ZC3H14: variants seen among roughly 807,000 people sequenced by gnomAD.
The protein encoded by ZC3H14 is zinc finger CCCH domain-containing protein 14.
Under a neutral mutation model 92.4 loss-of-function variants are expected in ZC3H14, and 31 were observed. The ratio of observed to expected loss-of-function variants is 0.34; its 90% CI spans 0.25 to 0.45. The LOEUF is 0.45. Ranked by LOEUF, ZC3H14 falls within the 20% of genes least tolerant of loss-of-function variation. The pLI, the probability that ZC3H14 is intolerant of heterozygous loss-of-function variation, is 1.00. For missense variants in ZC3H14, 781 were observed against 897.3 expected, an observed-to-expected ratio of 0.87 and a Z score of 1.66; for synonymous variants, 321 against 300.9, an observed-to-expected ratio of 1.07 and a Z score of -0.69.
chr14:88,563,132 C>T lies in ZC3H14; in HGVS notation c.-2C>T. The T allele has an allele frequency of 6.3e-7, 1 of 1,596,180 alleles. No individual in the cohort carries two copies. Among genetic ancestry groups the T allele is most frequent in the Non-Finnish European group, 8.5e-7 (1 of 1,174,800 alleles). On this transcript the variant is annotated 5_prime_UTR_variant, in exon 1 of 17. Transcript: ENST00000251038. ...TGCTGAGTTCCCGCACGCCGCAGAGCCATGGAGATCGGCACCGAGATCAGC... is the reference window on the plus strand; with the variant it reads ...TGCTGAGTTCCCGCACGCCGCAGAGTCATGGAGATCGGCACCGAGATCAGC...
At chr14:88,594,893 T>C (rs1199660689) in intron 9 of ZC3H14, 1 of 1,614,016 alleles carries the variant, frequency 6.2e-7, no homozygotes, top group East Asian at 2.2e-5. Flanking sequence ...ATTAAAGGAA[T>C]GAAAGCAGCT....
rs745469508 is a variant in ZC3H14, at chr14:88,572,706, A to G, written c.560A>G (p.Asn187Ser). ...EPDDLIDEDL[N>S]FVQENPLSQK... is the part of the protein sequence containing the mutation. ...GATGATCTCATTGACGAAGACCTCA[A>G]CTTTGTGCAGGAGAATCCCTTATCT... The change falls in exon 6 of 17, where the codon AAC becomes AGC. Residue 187 changes from asparagine to serine, a missense_variant. Asn to Ser is a conservative substitution (Grantham distance 46). Transcript: ENST00000251038. The G allele has an allele frequency of 1.9e-5, 30 of 1,614,086 alleles. No individual in the cohort carries two copies. Among genetic ancestry groups the G allele is most frequent in the East Asian group, 2.2e-5 (1 of 44,886 alleles).
chr14:88,611,779 T>C lies in ZC3H14; in HGVS notation c.*28T>C. 4.3e-6 allele frequency: 7 copies of C among 1,613,996 alleles called. No homozygotes were observed. The highest frequency in any genetic ancestry group is 5.1e-6 in the Non-Finnish European group (6 of 1,179,918). ...CCCAGTCCTGCCTGGCAGAAGATCA[T>C]GCAGTTTGGAAGTTTTCATGTACTG... On this transcript the variant is annotated 3_prime_UTR_variant, in exon 17 of 17. Coordinates refer to ENST00000251038, the MANE Select transcript of ZC3H14 (RefSeq NM_024824.5).
At chr14:88,608,869 A>C (rs2086060712) in intron 13 of ZC3H14, 1 of 176,088 alleles carries the variant, frequency 5.7e-6, no homozygotes, top group African/African-American at 2.4e-5. Context: ...TAAGGAAATG[A>C]TGTGGGAATA....
Position 88,621,987 on chromosome 14 carries a change from C to A in ZC3H14, c.*10236C>A. 1 of 411,734 alleles carries A rather than the reference C, an allele frequency of 2.4e-6. No individual in the cohort carries two copies. The highest frequency in any genetic ancestry group is 2.5e-5 in the Admixed American group (1 of 39,388). The allele number at this position is 411,734 out of a possible 1,614,324, so 25.5% of individuals were successfully genotyped here. ...ACTAAAACATACTATTCCTATCTGG[C>A]TGTGTAAACTTGTATCCTTTAACCA... On this transcript the variant is annotated 3_prime_UTR_variant, in exon 17 of 17. Transcript: ENST00000251038.
At chr14:88,597,784 C>T (rs866688503) in intron 10 of ZC3H14, among the ~76,000 whole-genome samples, 1 of 152,300 alleles carries the variant, frequency 6.6e-6, no homozygotes, top group East Asian at 1.9e-4. Flanking sequence ...GGTTGACAGC[C>T]GAGATCTGTG....
chr14:88,624,967 C>T lies in ZC3H14; in HGVS notation c.*13216C>T, dbSNP rs1175802760. 1.2e-6 allele frequency: 2 copies of T among 1,612,822 alleles called. No individual in the cohort carries two copies. Among genetic ancestry groups the T allele is most frequent in the Non-Finnish European group, 1.7e-6 (2 of 1,179,432 alleles). Reference sequence around the variant, plus strand: ...ATATTCTGTGAAAAGAAAGAGGACTCACGGCCTTTCCTTTCCCCCAGTCAC... The same window carrying T: ...ATATTCTGTGAAAAGAAAGAGGACTTACGGCCTTTCCTTTCCCCCAGTCAC... On this transcript the variant is annotated 3_prime_UTR_variant, in exon 17 of 17. Transcript: ENST00000251038.
At chr14:88,603,495 AATCT>A (rs2084923780) in intron 12 of ZC3H14, among the ~76,000 whole-genome samples, 1 of 152,208 alleles carries the variant, frequency 6.6e-6, no homozygotes, top group Non-Finnish European at 1.5e-5. Flanking sequence ...TTTCTCACCT[AATCT>A]ATCAAGATCT....
chr14:88,581,157 A>G (rs1266197661), intron 9 of ZC3H14, among the ~76,000 whole-genome samples: 1 of 152,214 alleles, frequency 6.6e-6, no homozygotes, highest in Non-Finnish European at 1.5e-5. Flanking sequence ...ATATATAAAT[A>G]CATTTTTTTC....
At position 88,619,798 on chromosome 14, in the gene ZC3H14, G is replaced by A. The variant is rs2140291599; in HGVS notation, c.*8047G>A. The A allele has an allele frequency of 6.6e-6, 1 of 152,302 alleles. No homozygotes were observed. The highest frequency in any genetic ancestry group is 2.1e-4 in the South Asian group (1 of 4,818). 9.4% of individuals were successfully genotyped at this position (152,302 alleles called of 1,614,324 possible). A position where few individuals can be genotyped will look rare whatever the true frequency, so the allele number is the denominator to read the frequency against. On this transcript the variant is annotated 3_prime_UTR_variant, in exon 17 of 17. Coordinates refer to ENST00000251038, the MANE Select transcript of ZC3H14 (RefSeq NM_024824.5). Reference sequence around the variant, plus strand: ...TCCTGTTTCAGCCCCCTGAGTAGCTGGGATTACAGGCGCCTGCCACCACGC... The same window carrying A: ...TCCTGTTTCAGCCCCCTGAGTAGCTAGGATTACAGGCGCCTGCCACCACGC...
chr14:88,602,204 C>T, intron 11 of ZC3H14, 121 bp downstream of exon 11: 1 of 1,334,070 alleles, frequency 7.5e-7, no homozygotes, highest in Admixed American at 1.9e-5. Flanking sequence ...TTCATTGATT[C>T]AGTAGCTAGC....
chr14:88,624,705 TAAGAA>T lies in ZC3H14; in HGVS notation c.*12958_*12962del. ...AAATCATACACAGGCATACAGACAT[TAAGAA>T]AAGTAACTCAACTTGTAGGACAACT... is the stretch of plus-strand genomic sequence containing the variant. On this transcript the variant is annotated 3_prime_UTR_variant, in exon 17 of 17. Coordinates refer to ENST00000251038, the MANE Select transcript of ZC3H14 (RefSeq NM_024824.5). The T allele has an allele frequency of 2.5e-6, 1 of 396,902 alleles. No homozygotes were observed. Among genetic ancestry groups the T allele is most frequent in the Middle Eastern group, 7.1e-4 (1 of 1,402 alleles). The allele number at this position is 396,902 out of a possible 1,614,324, so 24.6% of individuals were successfully genotyped here.
At chr14:88,572,466 A>G in intron 5 of ZC3H14, 112 bp from the exon 6 acceptor site, 1 of 1,361,190 alleles carries the variant, frequency 7.3e-7, no homozygotes, top group Non-Finnish European at 1.0e-6. Context: ...GGAATATGTA[A>G]AGGGAGTATC....
intron 11 of ZC3H14, 91 bp downstream of exon 11, chr14:88,602,174 A>C: frequency 6.4e-7 from 1 of 1,570,850 alleles, no homozygotes; most frequent in Non-Finnish European, 8.7e-7. Context: ...TCCCCGCCCT[A>C]ACCGCTAGCG....
chr14:88,596,891 G>GGTGTAAGATTAA (rs2083908751), intron 10 of ZC3H14, 83 bp downstream of exon 10: 5 of 1,118,542 alleles, frequency 4.5e-6, no homozygotes, highest in Middle Eastern at 1.9e-4. Flanking sequence ...ACGTATCTCG[G>GGTGTAAGATTAA]ATCTCTTAGA....
chr14:88,565,838 A>G (rs1328420259), intron 2 of ZC3H14, among the ~76,000 whole-genome samples: 16 of 152,002 alleles, frequency 1.1e-4, no homozygotes, highest in Admixed American at 1.1e-3. Flanking sequence ...ATATAAAAAT[A>G]TGAAACAAGG....
chr14:88,625,252 G>T lies in ZC3H14; in HGVS notation c.*13501G>T. 1 of 1,132,768 alleles carries T rather than the reference G, an allele frequency of 8.8e-7. No individual in the cohort carries two copies. Among genetic ancestry groups the T allele is most frequent in the Non-Finnish European group, 1.2e-6 (1 of 812,982 alleles). The allele number at this position is 1,132,768 out of a possible 1,614,324, so 70.2% of individuals were successfully genotyped here. On this transcript the variant is annotated 3_prime_UTR_variant, in exon 17 of 17. Coordinates refer to ENST00000251038, the MANE Select transcript of ZC3H14 (RefSeq NM_024824.5). ...ATACAAAGAGCATGCATCGTGTAGT[G>T]GCAGCAGCACTGAATTCACGAGTCA...
chr14:88,574,536 C>T, intron 6 of ZC3H14, 157 bp from the exon 7 acceptor site: 1 of 916,684 alleles, frequency 1.1e-6, no homozygotes, highest in South Asian at 1.6e-5. Flanking sequence ...AGCCACCACA[C>T]CCAGCCTCAT....
Position 88,572,172 on chromosome 14 carries a change from AAG to A in ZC3H14, c.382_383del (p.Asp128PhefsTer21). The A allele has an allele frequency of 6.2e-7, 1 of 1,614,080 alleles. No individual in the cohort carries two copies. Among genetic ancestry groups the A allele is most frequent in the South Asian group, 1.1e-5 (1 of 91,076 alleles). On this transcript the variant is annotated frameshift_variant, in exon 5 of 17. Transcript: ENST00000251038. LOFTEE classifies it high-confidence loss of function. ...CCATTCCTAGCGCGAGACCTGAAAAAAGAGATTCCAGAGTTTCTACAAGTTCG... is the reference window on the plus strand; with the variant it reads ...CCATTCCTAGCGCGAGACCTGAAAAAAGATTCCAGAGTTTCTACAAGTTCG... ...LAIPSARPEKRDSRVSTSSQE... is the reference protein window; with the variant it reads ...LAIPSARPEKXDSRVSTSSQE...
Sources: allele counts gnomAD v4.1 joint callset (sites outside exome capture counted in the v4.1 genomes callset), GRCh38; gene constraint gnomAD v4.1.1; transcripts MANE v1.5; gene names NCBI Gene and HGNC (gene_info 2026-07-23, HGNC 2026-07-21).